Variants in CCR6 observed in about 807,000 individuals in gnomAD.
The protein encoded by CCR6 is C-C motif chemokine receptor 6.
Under a neutral mutation model 3.0 loss-of-function variants are expected in CCR6, and 2 were observed. That is an observed-to-expected ratio of 0.66 (90% CI 0.27 to 2.07). The LOEUF is 2.07. CCR6 is among the 30% of genes most tolerant of loss of function. The probability of loss-of-function intolerance (pLI) is 0.14; values close to 1 mark genes in which losing one functional copy is unlikely to be tolerated. For missense variants in CCR6, 322 were observed against 462.8 expected, an observed-to-expected ratio of 0.70 and a Z score of 2.79; for synonymous variants, 193 against 184.3, an observed-to-expected ratio of 1.05 and a Z score of -0.38.
intron 1 of CCR6, among the ~76,000 whole-genome samples, chr6:167,133,932 G>GTGTGTATATATATATATATATATATATA (rs1183741225): frequency 9.1e-6 from 1 of 110,340 alleles, no homozygotes; most frequent in Non-Finnish European, 1.7e-5. Flanking sequence ...ATATATGTGT[G>GTGTGTATATATATATATATATATATATA]TATATATATA....
rs536499224 is a variant in CCR6 at position 167,131,772 on chromosome 6, G to A, written c.-97-4266G>A. 8.3e-4 allele frequency among the ~76,000 whole-genome samples: 126 copies of A among 152,260 alleles called. 1 individual carries two copies. Among genetic ancestry groups the A allele is most frequent in the African/African-American group, 3.0e-3 (123 of 41,540 alleles). On this transcript the variant is annotated intron_variant, in intron 1 of 2. Transcript: ENST00000341935. ...CAGATCCTTGCTGTGACTGTTTATGGCACTAAGTGTCTGTTCCAACACATT... is the reference window on the plus strand; with the variant it reads ...CAGATCCTTGCTGTGACTGTTTATGACACTAAGTGTCTGTTCCAACACATT...
chr6:167,120,494 G>C (rs1781569449), upstream of CCR6, among the ~76,000 whole-genome samples: 2 of 152,264 alleles, frequency 1.3e-5, no homozygotes, highest in South Asian at 2.1e-4. Context: ...TGCAGAGCCT[G>C]TTTGTGAATT....
Position 167,136,390 on chromosome 6 carries a change from T to C in CCR6, c.160T>C (p.Ser54Pro). 5 of 1,614,182 alleles carry C rather than the reference T, an allele frequency of 3.1e-6. No individual in the cohort carries two copies. Among genetic ancestry groups the C allele is most frequent in the Non-Finnish European group, 4.2e-6 (5 of 1,180,008 alleles). The change falls in exon 3 of 3, where the codon TCC (serine) becomes CCC (proline). Residue 54 changes from serine to proline, a missense_variant. Ser to Pro is a moderately conservative substitution (Grantham distance 74, BLOSUM62 -1). Transcript: ENST00000341935. The surrounding 1 kb of genome is among the most constrained non-coding windows in gnomAD (Gnocchi z 4.6). Reference protein sequence around the residue: ...FSRLFVPIAYSLICVFGLLGN... With the variant: ...FSRLFVPIAYPLICVFGLLGN... ...CAGGCTATTTGTACCGATTGCCTAC[T>C]CCTTGATCTGTGTCTTTGGCCTCCT...
At chr6:167,132,627 G>A (rs776164669) in intron 1 of CCR6, among the ~76,000 whole-genome samples, 6 of 152,096 alleles carry the variant, frequency 3.9e-5, no homozygotes, top group Middle Eastern at 3.2e-3. Flanking sequence ...TGCAACCTCC[G>A]CCTCCCGGGT....
rs189894053 is a variant in CCR6 at position 167,135,906 on chromosome 6, A to G, written c.-97-132A>G. ...AAGAGGTTGCTGATGCCTATTCTCA[A>G]TGAATATTTGTATGTAAAATAGTGT... is the stretch of plus-strand genomic sequence containing the variant. On this transcript the variant is annotated intron_variant, in intron 1 of 2. Transcript: ENST00000341935. 3.0e-4 allele frequency: 157 copies of G among 523,358 alleles called. No individual in the cohort carries two copies. The East Asian group carries it at 3.6e-3, about 12-fold the overall frequency. 32.4% of individuals were successfully genotyped at this position (523,358 alleles called of 1,614,324 possible). A position where few individuals can be genotyped will look rare whatever the true frequency, so the allele number is the denominator to read the frequency against.
At chr6:167,132,783 C>T (rs41506146) in intron 1 of CCR6, among the ~76,000 whole-genome samples, 36 of 152,276 alleles carry the variant, frequency 2.4e-4, no homozygotes, top group African/African-American at 7.2e-4. Context: ...TTAAGTGGTC[C>T]GTCTGCCTCG....
At chr6:167,124,244 T>A (rs1781632669) in intron 1 of CCR6, among the ~76,000 whole-genome samples, 1 of 130,266 alleles carries the variant, frequency 7.7e-6, no homozygotes, top group African/African-American at 3.2e-5. Flanking sequence ...AAAGCAAACT[T>A]CCAAAGAAAT....
At chr6:167,114,250 G>A (rs746275442) in intron 1 of CCR6, among the ~76,000 whole-genome samples, 1 of 152,186 alleles carries the variant, frequency 6.6e-6, no homozygotes, top group African/African-American at 2.4e-5. Context: ...CCCACCTCCT[G>A]CCACACAAGC....
intron 1 of CCR6, among the ~76,000 whole-genome samples, chr6:167,113,671 T>C (rs1211676868): frequency 6.6e-6 from 1 of 152,156 alleles, no homozygotes; most frequent in Non-Finnish European, 1.5e-5. Context: ...TTTTCACCCA[T>C]CAGATCCCAA....
At position 167,136,194 on chromosome 6, in the gene CCR6, C is replaced by T. The variant is rs878877796; in HGVS notation, c.10-46C>T. On this transcript the variant is annotated intron_variant, in intron 2 of 2. Coordinates refer to ENST00000341935, the MANE Select transcript of CCR6 (RefSeq NM_031409.4). The surrounding 1 kb of genome is among the most constrained non-coding windows in gnomAD (Gnocchi z 4.6). Reference sequence around the variant, plus strand: ...GTATAATTTGGGTTCACTGTGGCTACTTGAACACTACACTGCAGCTAACTC... The same window carrying T: ...GTATAATTTGGGTTCACTGTGGCTATTTGAACACTACACTGCAGCTAACTC... 1 of 1,612,082 alleles carries T rather than the reference C, an allele frequency of 6.2e-7. No individual in the cohort carries two copies. The highest frequency in any genetic ancestry group is 1.7e-5 in the Admixed American group (1 of 59,684).
chr6:167,117,994 C>G (rs1206100564), upstream of CCR6, among the ~76,000 whole-genome samples: 1 of 148,800 alleles, frequency 6.7e-6, no homozygotes, highest in African/African-American at 2.5e-5. Flanking sequence ...ATTTTAGGAC[C>G]TATCCTCTGG....
At position 167,137,580 on chromosome 6, in the gene CCR6, T is replaced by C. The variant is rs548930998; in HGVS notation, c.*225T>C. 218 of 492,900 alleles carry C rather than the reference T, an allele frequency of 4.4e-4. 4 individuals are homozygous for C. The South Asian group carries it at 5.3e-3, about 12-fold the overall frequency. The allele number at this position is 492,900 out of a possible 1,614,324, so 30.5% of individuals were successfully genotyped here. A position where few individuals can be genotyped will look rare whatever the true frequency, so the allele number is the denominator to read the frequency against. On this transcript the variant is annotated 3_prime_UTR_variant, in exon 3 of 3. Coordinates refer to ENST00000341935, the MANE Select transcript of CCR6 (RefSeq NM_031409.4). This position sits in a 1 kb window ranked among gnomAD's most constrained non-coding sequence, Gnocchi z 4.6. ...CACTTTGCAAGGAATGTTTTGTAGC[T>C]CTAGGGTATATATCCGCCTGGCATT... is the stretch of plus-strand genomic sequence containing the variant.
At chr6:167,133,930 GTGTATA>G (rs1218118754) in intron 1 of CCR6, among the ~76,000 whole-genome samples, 488 of 29,044 alleles carry the variant, frequency 0.017, 14 homozygotes, top group African/African-American at 0.056. Context: ...TGATATATGT[GTGTATA>G]TATATATATA....
chr6:167,137,249 A>T lies in CCR6; in HGVS notation c.1019A>T (p.Lys340Met). The change falls in exon 3 of 3, where the codon AAG (lysine) becomes ATG (methionine). Residue 340 changes from lysine (K) to methionine (M), a missense_variant. By Grantham distance (95) the Lys-to-Met change is moderately conservative. Coordinates refer to ENST00000341935, the MANE Select transcript of CCR6 (RefSeq NM_031409.4). The surrounding 1 kb of genome is among the most constrained non-coding windows in gnomAD (Gnocchi z 4.6). ...ILKDLWCVRRKYKSSGFSCAG... is the reference protein window; with the variant it reads ...ILKDLWCVRRMYKSSGFSCAG... ...AAGGACCTGTGGTGTGTGAGAAGGA[A>T]GTACAAGTCCTCAGGCTTCTCCTGT... 1 of 1,614,214 alleles carries T rather than the reference A, an allele frequency of 6.2e-7. No individual in the cohort carries two copies.
chr6:167,133,423 A>T (rs2114934691), intron 1 of CCR6, among the ~76,000 whole-genome samples: 1 of 152,276 alleles, frequency 6.6e-6, no homozygotes, highest in Non-Finnish European at 1.5e-5. Flanking sequence ...CTATATGTGG[A>T]TCTATGTCTG....
chr6:167,117,461 G>T (rs1403161712), intron 1 of CCR6, among the ~76,000 whole-genome samples: 1 of 132,574 alleles, frequency 7.5e-6, no homozygotes, highest in Non-Finnish European at 1.5e-5. Context: ...CTGTCGCCCA[G>T]GCTGGAGCGC....
At position 167,138,192 on chromosome 6, in the gene CCR6, G is replaced by C. The variant is rs1435557615; in HGVS notation, c.*837G>C. ...AGCTGTGCTCTGAGTGCCTAGCGGA[G>C]TTCCAGCAAACAAAATGGACTCAAG... On this transcript the variant is annotated 3_prime_UTR_variant, in exon 3 of 3. Transcript: ENST00000341935. 1.3e-5 allele frequency: 2 copies of C among 152,292 alleles called. No homozygotes were observed. The highest frequency in any genetic ancestry group is 1.3e-4 in the Admixed American group (2 of 15,284). 9.4% of individuals were successfully genotyped at this position (152,292 alleles called of 1,614,324 possible).
intron 1 of CCR6, among the ~76,000 whole-genome samples, chr6:167,116,317 C>A (rs1264094945): frequency 6.6e-6 from 1 of 152,108 alleles, no homozygotes; most frequent in Non-Finnish European, 1.5e-5. Flanking sequence ...CCGGGGCCTC[C>A]CCGCCCTCGC....
intron 1 of CCR6, among the ~76,000 whole-genome samples, chr6:167,135,628 C>A (rs1781837973): frequency 6.6e-6 from 1 of 152,190 alleles, no homozygotes; most frequent in African/African-American, 2.4e-5. Context: ...TCAGTAAAAT[C>A]TTGTTGAATG....
Sources: gnomAD v4.1 joint callset for allele counts (sites outside exome capture counted in the v4.1 genomes callset) on GRCh38, gnomAD v4.1.1 for gene constraint, Gnocchi (gnomAD v3.1) non-coding constraint, MANE v1.5 for transcripts, NCBI Gene and HGNC (gene_info 2026-07-23, HGNC 2026-07-21) for gene names.